ANP32A: variants seen among roughly 807,000 people sequenced by gnomAD.
ANP32A encodes acidic nuclear phosphoprotein 32 family member A.
A neutral mutation model predicts 33.9 loss-of-function variants in ANP32A; 1 was observed. That is an observed-to-expected ratio of 0.03 (90% confidence interval 0.01 to 0.14). The LOEUF is 0.14. Ranked by LOEUF, ANP32A falls within the 10% of genes least tolerant of loss-of-function variation. The pLI, the probability that ANP32A is intolerant of heterozygous loss-of-function variation, is 1.00. For synonymous variants in ANP32A, 115 were observed against 120.5 expected, an observed-to-expected ratio of 0.95 and a Z score of 0.30; for missense variants, 155 against 306.0, an observed-to-expected ratio of 0.51 and a Z score of 3.68.
At chr15:68,788,795 G>A (rs1893964874) in intron 1 of ANP32A, among the ~76,000 whole-genome samples, 1 of 152,154 alleles carries the variant, frequency 6.6e-6, no homozygotes, top group South Asian at 2.1e-4. Flanking sequence ...CTCAAAGTCT[G>A]TGCTTGGAGG....
At chr15:68,804,871 T>A (rs774335828) in intron 1 of ANP32A, among the ~76,000 whole-genome samples, 1 of 152,258 alleles carries the variant, frequency 6.6e-6, no homozygotes, top group Non-Finnish European at 1.5e-5. Context: ...CCAGCCCTCA[T>A]AATACTGGGA....
chr15:68,794,159 C>T (rs1313851474), intron 1 of ANP32A, among the ~76,000 whole-genome samples: 1 of 152,236 alleles, frequency 6.6e-6, no homozygotes, highest in Non-Finnish European at 1.5e-5. Flanking sequence ...GAAAAAGCCA[C>T]TTGCCTTCCC....
intron 1 of ANP32A, among the ~76,000 whole-genome samples, chr15:68,788,562 G>A (rs1339600645): frequency 6.6e-6 from 1 of 152,234 alleles, no homozygotes; most frequent in Non-Finnish European, 1.5e-5. Context: ...TCAAGACAGG[G>A]GCCACTAGTC....
chr15:68,793,418 T>C (rs1551343), intron 1 of ANP32A, among the ~76,000 whole-genome samples: 33,809 of 152,134 alleles, frequency 0.22, 5,301 homozygotes, highest in African/African-American at 0.44. Flanking sequence ...CTGACCTGAA[T>C]GACCCAGTGC....
At position 68,780,472 on chromosome 15, in the gene ANP32A, T is replaced by A; in HGVS notation, c.626A>T (p.Glu209Val). Residue 209 changes from glutamate to valine, a missense_variant and splice_region_variant, in exon 6 of 7, where the codon GAG (glutamate) becomes GTG (valine). Glu to Val is a moderately radical substitution (Grantham distance 121). This residue lies in a region of ANP32A where 63 missense variants were observed against 82.8 expected (regional missense o/e 0.76). Coordinates refer to ENST00000465139, the MANE Select transcript of ANP32A (RefSeq NM_006305.4). The surrounding 1 kb of genome is among the most constrained non-coding windows in gnomAD (Gnocchi z 4.3). ...TCCATCGTTATAACCTTCTTCATCC[T>A]CCTAGGAGAAAGGACAGACACCAGA... ...EEEDVSGEEEEDEEGYNDGEV... is the reference protein window; with the variant it reads ...EEEDVSGEEEVDEEGYNDGEV... 1 of 1,613,926 alleles carries A rather than the reference T, an allele frequency of 6.2e-7. No homozygotes were observed. The highest frequency in any genetic ancestry group is 8.5e-7 in the Non-Finnish European group (1 of 1,179,870).
At position 68,819,153 on chromosome 15, in the gene ANP32A, T is replaced by A. The variant is rs772520501; in HGVS notation, c.54+1545A>T. Among the ~76,000 whole-genome samples, 173 of 152,098 alleles carry A rather than the reference T, an allele frequency of 1.1e-3. 2 individuals are homozygous for A. The highest frequency in any genetic ancestry group is 3.8e-4 in the Non-Finnish European group (26 of 67,958). On this transcript the variant is annotated intron_variant, in intron 1 of 6. Coordinates refer to ENST00000465139, the MANE Select transcript of ANP32A (RefSeq NM_006305.4). ...TCGCCGGGATTCGGGTTTAACGGGC[T>A]AGAGGGGCGACAGGCCAGCGCACGG... is the stretch of plus-strand genomic sequence containing the variant.
In ANP32A at chr15:68,780,321, C is replaced by G; in HGVS notation, c.688+89G>C. 6.2e-7 allele frequency: 1 copy of G among 1,601,858 alleles called. No individual in the cohort carries two copies. The highest frequency in any genetic ancestry group is 1.1e-5 in the South Asian group (1 of 89,530). On this transcript the variant is annotated intron_variant, in intron 6 of 6. Coordinates refer to ENST00000465139, the MANE Select transcript of ANP32A (RefSeq NM_006305.4). This position sits in a 1 kb window ranked among gnomAD's most constrained non-coding sequence, Gnocchi z 4.3. ...AGGCCTCTGACAGGAGTGTCCTGCC[C>G]ACTGCCAGGGGCCTCTGAGTCTAAG...
chr15:68,807,635 C>T (rs1039025871), intron 1 of ANP32A, among the ~76,000 whole-genome samples: 3 of 152,186 alleles, frequency 2.0e-5, no homozygotes, highest in Non-Finnish European at 4.4e-5. Context: ...CGGGTAGAAT[C>T]TAACCTTCAG....
At chr15:68,811,418 G>C (rs909395963) in intron 1 of ANP32A, among the ~76,000 whole-genome samples, 2 of 152,200 alleles carry the variant, frequency 1.3e-5, no homozygotes, top group African/African-American at 4.8e-5. Context: ...CACTGAACTG[G>C]GAGGGATTAA....
At chr15:68,816,014 C>G (rs1894375153) in intron 1 of ANP32A, among the ~76,000 whole-genome samples, 1 of 152,156 alleles carries the variant, frequency 6.6e-6, no homozygotes, top group African/African-American at 2.4e-5. Context: ...CCCCCAGCAC[C>G]TTGAAGGCCA....
intron 3 of ANP32A, among the ~76,000 whole-genome samples, chr15:68,785,203 T>C (rs558133754): frequency 3.9e-5 from 6 of 152,304 alleles, no homozygotes; most frequent in South Asian, 4.1e-4. Context: ...TCTTTGAATA[T>C]TGCCTGTCAA....
chr15:68,807,390 T>TTGGCTG, intron 1 of ANP32A, among the ~76,000 whole-genome samples: 1 of 145,484 alleles, frequency 6.9e-6, no homozygotes, highest in East Asian at 2.3e-4. Flanking sequence ...TGCCTGCAGC[T>TTGGCTG]TGGCTGGTAT....
intron 1 of ANP32A, among the ~76,000 whole-genome samples, chr15:68,805,378 G>C (rs1050645580): frequency 7.7e-4 from 118 of 152,264 alleles, no homozygotes; most frequent in African/African-American, 2.8e-3. Context: ...TCACAAATGT[G>C]TTTAAAATTT....
chr15:68,796,210 T>C lies in ANP32A; in HGVS notation c.55-8291A>G, dbSNP rs1894061714. Among the ~76,000 whole-genome samples, 4 of 152,176 alleles carry C rather than the reference T, an allele frequency of 2.6e-5. No homozygotes were observed. In the South Asian group the frequency reaches 8.3e-4, roughly 31 times the overall value. ...GATTCTCTTGCCTCAGCTTCTCAAG[T>C]AGCTGGAATTACAGGCGCCCACCAC... On this transcript the variant is annotated intron_variant, in intron 1 of 6. Coordinates refer to ENST00000465139, the MANE Select transcript of ANP32A (RefSeq NM_006305.4).
At chr15:68,792,441 T>C (rs1894009755) in intron 1 of ANP32A, among the ~76,000 whole-genome samples, 1 of 152,128 alleles carries the variant, frequency 6.6e-6, no homozygotes, top group African/African-American at 2.4e-5. Context: ...TCCCAAGATG[T>C]CAGATTGCTG....
At chr15:68,802,251 CCT>C (rs1224779295) in intron 1 of ANP32A, among the ~76,000 whole-genome samples, 21 of 152,262 alleles carry the variant, frequency 1.4e-4, no homozygotes, top group Admixed American at 5.9e-4. Flanking sequence ...CCTATCTTAT[CCT>C]CTGTCTGCCC....
chr15:68,808,755 A>C, intron 1 of ANP32A, among the ~76,000 whole-genome samples: 1 of 151,764 alleles, frequency 6.6e-6, no homozygotes, highest in Non-Finnish European at 1.5e-5. Flanking sequence ...CCACCCTATC[A>C]CCCCCTGCAC....
intron 3 of ANP32A, among the ~76,000 whole-genome samples, chr15:68,785,609 A>G (rs2140360155): frequency 6.6e-6 from 1 of 152,312 alleles, no homozygotes; most frequent in South Asian, 2.1e-4. Context: ...AAGTCTTGAC[A>G]GTGGTCTGTG....
At chr15:68,801,997 G>A (rs1027856171) in intron 1 of ANP32A, 8 of 153,078 alleles carry the variant, frequency 5.2e-5, no homozygotes, top group African/African-American at 1.9e-4. Context: ...ACAAGGTCAG[G>A]ATCTCCTGGA....
Sources: gnomAD v4.1 joint callset for allele counts (sites outside exome capture counted in the v4.1 genomes callset) on GRCh38, gnomAD v4.1.1 for gene constraint, gnomAD v4.1.1 regional missense constraint, Gnocchi (gnomAD v3.1) non-coding constraint, MANE v1.5 for transcripts, NCBI Gene and HGNC (gene_info 2026-07-23, HGNC 2026-07-21) for gene names.